APBB2: variants seen among roughly 807,000 people sequenced by gnomAD.
APBB2 encodes the protein Fe65-like 1.
Under a neutral mutation model 82.5 loss-of-function variants are expected in APBB2, and 38 were observed. That is an observed-to-expected ratio of 0.46 (90% CI 0.36 to 0.60). The LOEUF (loss-of-function observed/expected upper bound fraction) is 0.60. Ranked by LOEUF, APBB2 falls within the 20% of genes least tolerant of loss-of-function variation. The probability of loss-of-function intolerance (pLI) is 0.00; values close to 1 mark genes in which losing one functional copy is unlikely to be tolerated. For synonymous variants in APBB2, 341 were observed against 368.2 expected, an observed-to-expected ratio of 0.93 and a Z score of 0.85; for missense variants, 772 against 972.3, an observed-to-expected ratio of 0.79 and a Z score of 2.74.
At chr4:41,055,606 A>G (rs1287070152) in intron 4 of APBB2, among the ~76,000 whole-genome samples, 1 of 151,864 alleles carries the variant, frequency 6.6e-6, no homozygotes, top group Non-Finnish European at 1.5e-5. Flanking sequence ...CTCCCCAACA[A>G]CTTTTCTTGG....
intron 2 of APBB2, among the ~76,000 whole-genome samples, chr4:41,109,531 C>T (rs1250040666): frequency 6.6e-6 from 1 of 152,124 alleles, no homozygotes; most frequent in East Asian, 1.9e-4. Context: ...AGTGCAGTGG[C>T]GTGATCTTGG....
chr4:40,885,506 C>T (rs1226499547), intron 12 of APBB2, among the ~76,000 whole-genome samples: 1 of 152,154 alleles, frequency 6.6e-6, no homozygotes, highest in African/African-American at 2.4e-5. Context: ...CACCAGATAC[C>T]CGATCTCGCA....
chr4:40,846,660 G>A (rs934187651), intron 12 of APBB2, among the ~76,000 whole-genome samples: 12 of 152,098 alleles, frequency 7.9e-5, no homozygotes, highest in African/African-American at 1.9e-4. Context: ...GCCCAGCAGC[G>A]CCATGATGGG....
intron 13 of APBB2, among the ~76,000 whole-genome samples, chr4:40,828,401 T>C (rs139183930): frequency 2.6e-4 from 39 of 152,294 alleles, no homozygotes; most frequent in African/African-American, 9.4e-4. Context: ...CCATTCCAAG[T>C]GGAGTGAAAG....
chr4:40,975,789 C>CACACACA (rs1441223479), intron 6 of APBB2, among the ~76,000 whole-genome samples: 31 of 147,824 alleles, frequency 2.1e-4, no homozygotes, highest in African/African-American at 6.2e-4. Context: ...CACACACACA[C>CACACACA]AACAACCACT....
intron 6 of APBB2, among the ~76,000 whole-genome samples, chr4:40,976,867 A>G (rs1012149330): frequency 7.9e-5 from 12 of 152,104 alleles, no homozygotes; most frequent in African/African-American, 2.9e-4. Flanking sequence ...TGGGCAACAT[A>G]GTGAGACCCC....
intron 2 of APBB2, among the ~76,000 whole-genome samples, chr4:41,112,813 C>A (rs1448483666): frequency 6.6e-6 from 1 of 152,060 alleles, no homozygotes; most frequent in Non-Finnish European, 1.5e-5. Context: ...CATGGTGAAA[C>A]CCCATCTGTA....
chr4:40,880,790 C>T, intron 12 of APBB2: 4 of 985,424 alleles, frequency 4.1e-6, no homozygotes, highest in Non-Finnish European at 4.8e-6. Context: ...TCTCTTGACA[C>T]AACAGCCTCA....
At chr4:40,872,216 G>A (rs942026377) in intron 12 of APBB2, among the ~76,000 whole-genome samples, 5 of 152,236 alleles carry the variant, frequency 3.3e-5, no homozygotes, top group Admixed American at 6.5e-5. Context: ...GACAGAGAAT[G>A]AGGACAATGA....
intron 3 of APBB2, among the ~76,000 whole-genome samples, chr4:41,092,210 A>C (rs1386066082): frequency 6.6e-6 from 1 of 152,242 alleles, no homozygotes; most frequent in Non-Finnish European, 1.5e-5. Context: ...CAGGAAAACA[A>C]TAATTAGTTC....
intron 12 of APBB2, among the ~76,000 whole-genome samples, chr4:40,887,059 A>G (rs1770526517): frequency 6.6e-6 from 1 of 152,210 alleles, no homozygotes; most frequent in Non-Finnish European, 1.5e-5. Flanking sequence ...TGCGACAACC[A>G]AAACCCCACA....
rs1744140582 is a variant in APBB2, at chr4:40,810,215, AATTGTATT to A, written c.*5869_*5876del. On this transcript the variant is annotated 3_prime_UTR_variant, in exon 18 of 18. Transcript: ENST00000508593. ...CTTGAAGTGAGAAAAGAGAATGGTG[AATTGTATT>A]ATAGCGGTAATACATTATTTTTATT... The A allele has an allele frequency of 2.0e-5, 3 of 152,216 alleles. No individual in the cohort carries two copies. The highest frequency in any genetic ancestry group is 4.4e-5 in the Non-Finnish European group (3 of 68,046). 9.4% of individuals were successfully genotyped at this position (152,216 alleles called of 1,614,324 possible).
At chr4:41,172,763 G>A (rs949819248) in intron 1 of APBB2, among the ~76,000 whole-genome samples, 1 of 152,204 alleles carries the variant, frequency 6.6e-6, no homozygotes, top group Admixed American at 6.5e-5. Context: ...GACTATGCCT[G>A]AAATTTACCA....
chr4:41,091,523 G>A (rs1741694112), intron 3 of APBB2, among the ~76,000 whole-genome samples: 1 of 152,030 alleles, frequency 6.6e-6, no homozygotes, highest in East Asian at 1.9e-4. Context: ...GGCCTTTTAG[G>A]GGAGCAACAT....
intron 4 of APBB2, among the ~76,000 whole-genome samples, chr4:41,064,997 T>G (rs1288517011): frequency 6.6e-6 from 1 of 152,090 alleles, no homozygotes; most frequent in African/African-American, 2.4e-5. Flanking sequence ...GAAGAATAGA[T>G]ACATTAGACC....
intron 6 of APBB2, among the ~76,000 whole-genome samples, chr4:41,008,782 G>A (rs868613858): frequency 2.0e-5 from 3 of 152,200 alleles, no homozygotes; most frequent in South Asian, 2.1e-4. Flanking sequence ...GAGGCTATGA[G>A]AACTGCCTAG....
chr4:40,948,890 C>CAAAAAAA lies in APBB2; in HGVS notation c.836-3824_836-3818dup, dbSNP rs59172492. ...GGTGACAGAAGTGAGATCCTGTCTC[C>CAAAAAAA]AAAAAAAAAAAAAAAAAAAAAAAAA... is the stretch of plus-strand genomic sequence containing the variant. On this transcript the variant is annotated intron_variant, in intron 6 of 17. Transcript: ENST00000508593. Among the ~76,000 whole-genome samples, 12 of 101,616 alleles carry CAAAAAAA rather than the reference C, an allele frequency of 1.2e-4. 1 individual carries two copies. The highest frequency in any genetic ancestry group is 2.8e-4 in the African/African-American group (7 of 24,596). 66.7% of individuals were successfully genotyped at this position (101,616 alleles called of 152,430 possible).
At position 40,814,993 on chromosome 4, in the gene APBB2, A is replaced by C. The variant is rs1745229963; in HGVS notation, c.*1099T>G. 6.6e-6 allele frequency: 1 copy of C among 152,372 alleles called. No homozygotes were observed. The highest frequency in any genetic ancestry group is 6.5e-5 in the Admixed American group (1 of 15,284). The allele number at this position is 152,372 out of a possible 1,614,324, so 9.4% of individuals were successfully genotyped here. A position where few individuals can be genotyped will look rare whatever the true frequency, so the allele number is the denominator to read the frequency against. The stretch of plus-strand genomic sequence containing the variant: ...AACCTAATGTAATTTGTTGCCATGG[A>C]CAATACATGATGGACAGACAGCTTT... On this transcript the variant is annotated 3_prime_UTR_variant, in exon 18 of 18. Coordinates refer to ENST00000508593, the MANE Select transcript of APBB2 (RefSeq NM_004307.2).
intron 6 of APBB2, among the ~76,000 whole-genome samples, chr4:40,951,565 C>T (rs560663352): frequency 1.3e-5 from 2 of 152,252 alleles, no homozygotes; most frequent in Non-Finnish European, 1.5e-5. Flanking sequence ...TAGGGACCTT[C>T]GTATCGTGGC....
Sources: gnomAD v4.1 joint callset for allele counts (sites outside exome capture counted in the v4.1 genomes callset) on GRCh38, gnomAD v4.1.1 for gene constraint, MANE v1.5 for transcripts, NCBI Gene and HGNC (gene_info 2026-07-23, HGNC 2026-07-21) for gene names.